The following PRMT3 variants were observed in gnomAD, a reference collection of about 807,000 sequenced individuals.
PRMT3 encodes the protein protein arginine methyltransferase 3.
A neutral mutation model predicts 71.9 loss-of-function variants in PRMT3; 62 were observed. The observed-to-expected ratio is 0.86, with a 90% CI of 0.70 to 1.07. PRMT3 has a LOEUF of 1.07. Among genes scored for constraint, PRMT3 ranks in the 50% least tolerant of loss-of-function variants. The pLI, the probability that PRMT3 is intolerant of heterozygous loss-of-function variation, is 0.00. For synonymous variants in PRMT3, 213 were observed against 220.4 expected, an observed-to-expected ratio of 0.97 and a Z score of 0.30; for missense variants, 663 against 643.0, an observed-to-expected ratio of 1.03 and a Z score of -0.34.
At position 20,493,957 on chromosome 11, in the gene PRMT3, T is replaced by C. The variant is rs748169080; in HGVS notation, c.1386T>C (p.Asn462=). The C allele has an allele frequency of 1.3e-6, 2 of 1,590,542 alleles. No homozygotes were observed. The highest frequency in any genetic ancestry group is 3.4e-5 in the Admixed American group (2 of 58,614). ...ACTTTGATATATATTTTGAGAAGAA[T>C]TGCCACAACAGGGTAAGTATCATGA... ...AGYFDIYFEK[N]CHNRVVFSTG... The change falls in exon 14 of 16, where the codon AAT becomes AAC. Residue 462 remains asparagine (N), a synonymous_variant. Transcript: ENST00000331079.
intron 9 of PRMT3, among the ~76,000 whole-genome samples, chr11:20,418,953 G>C (rs1849368012): frequency 1.3e-5 from 2 of 152,082 alleles, no homozygotes; most frequent in Non-Finnish European, 2.9e-5. Flanking sequence ...CACCTCCACT[G>C]CTCTTTCTCA....
At chr11:20,443,605 A>T (rs1849957955) in intron 10 of PRMT3, among the ~76,000 whole-genome samples, 1 of 152,210 alleles carries the variant, frequency 6.6e-6, no homozygotes, top group East Asian at 1.9e-4. Flanking sequence ...ACCATTAATG[A>T]ATTTTTTTCA....
chr11:20,399,752 A>T (rs1301426135), intron 7 of PRMT3, among the ~76,000 whole-genome samples: 1 of 152,188 alleles, frequency 6.6e-6, no homozygotes, highest in East Asian at 1.9e-4. Context: ...CCATTTACAA[A>T]TCTTTATCCT....
At position 20,388,100 on chromosome 11, in the gene PRMT3, A is replaced by G; in HGVS notation, c.110A>G (p.Asp37Gly). The G allele has an allele frequency of 1.9e-6, 3 of 1,613,976 alleles. No individual in the cohort carries two copies. ...SGDEAAWEDE[D>G]DADLPHGKQQ... ...GACGAGGCCGCCTGGGAGGATGAGG[A>G]CGATGCAGATCTCCCCCACGGCAAG... The change falls in exon 2 of 16, where the codon GAC becomes GGC. Residue 37 changes from aspartate to glycine, a missense_variant. By Grantham distance (94) the Asp-to-Gly change is moderately conservative. Coordinates refer to ENST00000331079, the MANE Select transcript of PRMT3 (RefSeq NM_005788.4).
intron 7 of PRMT3, among the ~76,000 whole-genome samples, chr11:20,400,389 T>C (rs1284518121): frequency 6.6e-6 from 1 of 152,162 alleles, no homozygotes; most frequent in African/African-American, 2.4e-5. Flanking sequence ...TCCAGAGATA[T>C]GATTGATAGA....
At position 20,387,817 on chromosome 11, in the gene PRMT3, G is replaced by A. The variant is rs566860277; in HGVS notation, c.28+43G>A. On this transcript the variant is annotated intron_variant, in intron 1 of 15. Coordinates refer to ENST00000331079, the MANE Select transcript of PRMT3 (RefSeq NM_005788.4). This position sits in a 1 kb window ranked among gnomAD's most constrained non-coding sequence, Gnocchi z 4.3. ...TCAGCACCCGGCTCGTCCAGCCCCAGGCCGCGCCGCTGTGGGGCCGGTGGA... is the reference window on the plus strand; with the variant it reads ...TCAGCACCCGGCTCGTCCAGCCCCAAGCCGCGCCGCTGTGGGGCCGGTGGA... The A allele has an allele frequency of 1.3e-6, 2 of 1,540,290 alleles. No homozygotes were observed. The highest frequency in any genetic ancestry group is 2.4e-5 in the South Asian group (2 of 83,856).
chr11:20,460,532 TTATC>T (rs1466410068), intron 11 of PRMT3, among the ~76,000 whole-genome samples: 6 of 152,206 alleles, frequency 3.9e-5, no homozygotes, highest in Admixed American at 3.9e-4. Context: ...CTAGTATTCA[TTATC>T]TATTCTCCCT....
intron 10 of PRMT3, 51 bp downstream of exon 10, chr11:20,426,916 T>C: frequency 6.8e-7 from 1 of 1,471,942 alleles, no homozygotes; most frequent in African/African-American, 1.5e-5. Context: ...AAAAAACTTT[T>C]TTAAAGTAAT....
At chr11:20,436,741 T>G (rs909307399) in intron 10 of PRMT3, among the ~76,000 whole-genome samples, 2 of 146,956 alleles carry the variant, frequency 1.4e-5, no homozygotes, top group Admixed American at 6.8e-5. Context: ...CTGCAGTTTG[T>G]TTTTTTTTTT....
chr11:20,433,656 T>C (rs1014672236), intron 10 of PRMT3, among the ~76,000 whole-genome samples: 2 of 152,194 alleles, frequency 1.3e-5, no homozygotes, highest in Non-Finnish European at 2.9e-5. Context: ...GGTCTCACTC[T>C]GTCTCCCAGG....
intron 6 of PRMT3, among the ~76,000 whole-genome samples, chr11:20,396,320 AG>A (rs1307384175): frequency 6.6e-6 from 1 of 152,152 alleles, no homozygotes; most frequent in Non-Finnish European, 1.5e-5. Flanking sequence ...GGGAAAATAC[AG>A]GGTTGAAGTT....
chr11:20,508,170 A>T, intron 15 of PRMT3, 134 bp from the exon 16 acceptor site: 2 of 443,284 alleles, frequency 4.5e-6, no homozygotes, highest in East Asian at 3.7e-5. Flanking sequence ...AAAAAAAAAA[A>T]GAATATTAAC....
intron 13 of PRMT3, among the ~76,000 whole-genome samples, chr11:20,467,345 A>G (rs1021754992): frequency 3.9e-5 from 6 of 152,192 alleles, no homozygotes; most frequent in African/African-American, 1.4e-4. Flanking sequence ...TGAGATGAGT[A>G]CTCATATTAT....
intron 11 of PRMT3, among the ~76,000 whole-genome samples, chr11:20,459,526 A>G (rs1430259679): frequency 6.6e-6 from 1 of 152,180 alleles, no homozygotes; most frequent in Admixed American, 6.5e-5. Context: ...CTTTCACACC[A>G]ATAGCAGAAA....
intron 13 of PRMT3, among the ~76,000 whole-genome samples, chr11:20,490,429 T>C (rs1360575629): frequency 6.6e-6 from 1 of 152,210 alleles, no homozygotes; most frequent in Non-Finnish European, 1.5e-5. Context: ...CACTATATTA[T>C]TAAGGGCTGG....
At position 20,508,765 on chromosome 11, in the gene PRMT3, T is replaced by TTA. The variant is rs1461962661; in HGVS notation, c.*353_*354dup. On this transcript the variant is annotated 3_prime_UTR_variant, in exon 16 of 16. Transcript: ENST00000331079. ...TTTAATAAGTTTCTTACTATAAATT[T>TTA]TAAACAAATTGGTTAGTTATTTGGA... is the stretch of plus-strand genomic sequence containing the variant. 7 of 311,446 alleles carry TTA rather than the reference T, an allele frequency of 2.2e-5. No individual in the cohort carries two copies. Among genetic ancestry groups the TTA allele is most frequent in the Non-Finnish European group, 3.9e-5 (6 of 155,778 alleles). 19.3% of individuals were successfully genotyped at this position (311,446 alleles called of 1,614,324 possible).
At chr11:20,443,969 A>G (rs112500444) in intron 10 of PRMT3, among the ~76,000 whole-genome samples, 2 of 152,346 alleles carry the variant, frequency 1.3e-5, no homozygotes, top group African/African-American at 4.8e-5. Flanking sequence ...GTAGTCTTGC[A>G]GAACAGTAGC....
chr11:20,479,608 A>G (rs1450508484), intron 13 of PRMT3, among the ~76,000 whole-genome samples: 4 of 152,170 alleles, frequency 2.6e-5, no homozygotes, highest in Non-Finnish European at 4.4e-5. Flanking sequence ...TAGGTGAAGT[A>G]TGTGTGCCGA....
chr11:20,425,813 G>A (rs1331896703), intron 9 of PRMT3, among the ~76,000 whole-genome samples: 8 of 152,122 alleles, frequency 5.3e-5, no homozygotes, highest in Admixed American at 3.3e-4. Flanking sequence ...TATTGATTGT[G>A]GTGGTCAACA....
Sources: gnomAD v4.1 joint callset for allele counts (sites outside exome capture counted in the v4.1 genomes callset) on GRCh38, gnomAD v4.1.1 for gene constraint, Gnocchi (gnomAD v3.1) non-coding constraint, MANE v1.5 for transcripts, NCBI Gene and HGNC (gene_info 2026-07-23, HGNC 2026-07-21) for gene names.